Variants in TSHR observed in about 807,000 individuals in gnomAD.
TSHR encodes the protein thyrotropin receptor.
TSHR carries 51 observed loss-of-function variants against 64.1 expected under a neutral mutation model. That is an observed-to-expected ratio of 0.80 (90% CI 0.64 to 1.01). The LOEUF is 1.01. Ranked by LOEUF, TSHR falls within the 50% of genes least tolerant of loss-of-function variation. The pLI, the probability that TSHR is intolerant of heterozygous loss-of-function variation, is 0.00. For synonymous variants in TSHR, 361 were observed against 361.9 expected, an observed-to-expected ratio of 1.00 and a Z score of 0.03; for missense variants, 877 against 942.8, an observed-to-expected ratio of 0.93 and a Z score of 0.91.
At chr14:81,116,239 T>C (rs1890502728) in intron 8 of TSHR, among the ~76,000 whole-genome samples, 2 of 144,170 alleles carry the variant, frequency 1.4e-5, no homozygotes, top group African/African-American at 2.6e-5. Context: ...GACTGGCAAA[T>C]TGGATAAAGA....
At chr14:80,982,046 A>G (rs1355667330) in intron 1 of TSHR, 6 of 464,052 alleles carry the variant, frequency 1.3e-5, no homozygotes, top group Middle Eastern at 9.5e-4. Context: ...AGTCTGCTAT[A>G]CAAGCTAAAG....
At chr14:81,010,676 T>G (rs1031154353) in intron 1 of TSHR, among the ~76,000 whole-genome samples, 2 of 152,192 alleles carry the variant, frequency 1.3e-5, no homozygotes, top group Non-Finnish European at 2.9e-5. Flanking sequence ...TCCTATTTTT[T>G]GTCTTATTGC....
chr14:81,126,235 T>C (rs1339003946), intron 8 of TSHR, among the ~76,000 whole-genome samples: 2 of 152,232 alleles, frequency 1.3e-5, no homozygotes, highest in African/African-American at 4.8e-5. Flanking sequence ...GGTTGCCTGC[T>C]GGTGGGAGAG....
At chr14:81,036,611 C>G (rs565468790) in intron 1 of TSHR, among the ~76,000 whole-genome samples, 1 of 152,152 alleles carries the variant, frequency 6.6e-6, no homozygotes, top group East Asian at 1.9e-4. Flanking sequence ...AATGCTTCAA[C>G]TGGATGTATT....
chr14:80,979,392 G>A (rs1215653317), intron 1 of TSHR, among the ~76,000 whole-genome samples: 1 of 152,144 alleles, frequency 6.6e-6, no homozygotes, highest in African/African-American at 2.4e-5. Flanking sequence ...GAAATGAGGA[G>A]AGGTTGGTCA....
intron 8 of TSHR, among the ~76,000 whole-genome samples, chr14:81,132,594 C>T (rs538289476): frequency 6.6e-6 from 1 of 152,254 alleles, no homozygotes; most frequent in East Asian, 1.9e-4. Context: ...AGATTATTCC[C>T]ACGACCTAGG....
chr14:80,975,953 C>A (rs1887848449), intron 1 of TSHR, among the ~76,000 whole-genome samples: 1 of 151,468 alleles, frequency 6.6e-6, no homozygotes, highest in Admixed American at 6.6e-5. Flanking sequence ...ACTCTGTTGC[C>A]CAGGCTGGAG....
chr14:80,996,705 G>T (rs1594932620), intron 1 of TSHR, among the ~76,000 whole-genome samples: 1 of 152,102 alleles, frequency 6.6e-6, no homozygotes, highest in Admixed American at 6.6e-5. Context: ...CTATAGTAGT[G>T]GGGGAGGGGG....
chr14:81,013,912 G>T (rs2139782220), intron 1 of TSHR: 1 of 152,222 alleles, frequency 6.6e-6, no homozygotes, highest in South Asian at 2.1e-4. Flanking sequence ...TTAACCTTAT[G>T]GGGTGATGGG....
chr14:80,972,166 T>G (rs1342727834), intron 1 of TSHR, among the ~76,000 whole-genome samples: 2 of 152,228 alleles, frequency 1.3e-5, no homozygotes, highest in Non-Finnish European at 2.9e-5. Flanking sequence ...ATGATTGTTA[T>G]CTATTGTGAG....
intron 4 of TSHR, 70 bp from the exon 5 acceptor site, chr14:81,090,999 T>C: frequency 7.6e-7 from 1 of 1,318,372 alleles, no homozygotes; most frequent in Non-Finnish European, 1.1e-6. Context: ...ATTACATTAT[T>C]CTCCTTCCTA....
intron 2 of TSHR, among the ~76,000 whole-genome samples, chr14:81,066,132 G>C (rs1886593961): frequency 6.6e-6 from 1 of 152,154 alleles, no homozygotes; most frequent in African/African-American, 2.4e-5. Context: ...ACAAAAAGAT[G>C]TCATTAGGTT....
intron 1 of TSHR, chr14:80,982,276 A>G (rs4903959): frequency 0.32 from 252,503 of 801,302 alleles, 42,218 homozygotes; most frequent in Admixed American, 0.37. Flanking sequence ...GAATGAGTCC[A>G]CCAGCTCCAC....
chr14:81,103,664 TTAA>T lies in TSHR; in HGVS notation c.615-4702_615-4700del, dbSNP rs1889722123. 1.0e-6 allele frequency: 1 copy of T among 985,446 alleles called. No homozygotes were observed. The highest frequency in any genetic ancestry group is 1.2e-6 in the Non-Finnish European group (1 of 829,922). The allele number at this position is 985,446 out of a possible 1,614,324, so 61.0% of individuals were successfully genotyped here. On this transcript the variant is annotated intron_variant, in intron 7 of 9. Coordinates refer to ENST00000298171, the MANE Select transcript of TSHR (RefSeq NM_000369.5). The surrounding 1 kb of genome is among the most constrained non-coding windows in gnomAD (Gnocchi z 4.1). ...ATGTTGTCATCACTCAGAGGTGAAA[TTAA>T]TAATAATACAAGCATCCCTTGCTCA...
intron 1 of TSHR, among the ~76,000 whole-genome samples, chr14:81,011,529 C>T (rs1239823200): frequency 6.6e-6 from 1 of 151,892 alleles, no homozygotes; most frequent in Non-Finnish European, 1.5e-5. Context: ...TTTTCATTCC[C>T]AGTACAATTA....
At chr14:81,109,300 T>G (rs139622705) in intron 8 of TSHR, among the ~76,000 whole-genome samples, 13,289 of 151,222 alleles carry the variant, frequency 0.088, 680 homozygotes, top group Middle Eastern at 0.13. Flanking sequence ...TCCCAGCTAC[T>G]TGGGAGGCCG....
chr14:81,014,572 T>C (rs2139783629), intron 1 of TSHR, among the ~76,000 whole-genome samples: 1 of 152,276 alleles, frequency 6.6e-6, no homozygotes, highest in South Asian at 2.1e-4. Context: ...AGAGTTTGAT[T>C]GAACAATGGC....
At chr14:81,072,724 A>T (rs1274401065) in intron 3 of TSHR, among the ~76,000 whole-genome samples, 3 of 147,156 alleles carry the variant, frequency 2.0e-5, no homozygotes, top group Non-Finnish European at 2.9e-5. Context: ...CATTTTAAAC[A>T]TTATACAGAA....
At chr14:81,030,344 G>A (rs971718175) in intron 1 of TSHR, among the ~76,000 whole-genome samples, 1 of 152,078 alleles carries the variant, frequency 6.6e-6, no homozygotes, top group Non-Finnish European at 1.5e-5. Context: ...AGCAAAAATT[G>A]TATTGTTTTT....
Sources: gnomAD v4.1 joint callset for allele counts (sites outside exome capture counted in the v4.1 genomes callset) on GRCh38, gnomAD v4.1.1 for gene constraint, Gnocchi (gnomAD v3.1) non-coding constraint, MANE v1.5 for transcripts, NCBI Gene and HGNC (gene_info 2026-07-23, HGNC 2026-07-21) for gene names.